Variants in AGBL4 observed in about 807,000 individuals in gnomAD.
AGBL4 encodes the protein AGBL carboxypeptidase 4.
AGBL4 carries 58 observed loss-of-function variants against 66.4 expected under a neutral mutation model. That is an observed-to-expected ratio of 0.87 (90% confidence interval 0.71 to 1.09). AGBL4 has a LOEUF of 1.09. AGBL4 is among the 50% of genes least tolerant of loss of function. The pLI, the probability that AGBL4 is intolerant of heterozygous loss-of-function variation, is 0.00. For synonymous variants in AGBL4, 234 were observed against 222.9 expected, an observed-to-expected ratio of 1.05 and a Z score of -0.44; for missense variants, 579 against 631.0, an observed-to-expected ratio of 0.92 and a Z score of 0.88.
chr1:49,796,757 T>A (rs976458942), intron 2 of AGBL4, among the ~76,000 whole-genome samples: 22 of 152,038 alleles, frequency 1.4e-4, no homozygotes, highest in Admixed American at 7.2e-4. Context: ...ATTATTTTAA[T>A]TTGCTTCATT....
chr1:49,698,157 T>C (rs1041629243), intron 2 of AGBL4, among the ~76,000 whole-genome samples: 2 of 152,152 alleles, frequency 1.3e-5, no homozygotes, highest in African/African-American at 2.4e-5. Context: ...TGTTACACAA[T>C]GGTACTGAAT....
At chr1:48,714,727 C>T (rs942712407) in intron 6 of AGBL4, among the ~76,000 whole-genome samples, 1 of 152,222 alleles carries the variant, frequency 6.6e-6, no homozygotes, top group African/African-American at 2.4e-5. Context: ...AGCTCCTTAG[C>T]TAGCCTATGA....
chr1:48,600,524 T>C (rs1055576589), intron 9 of AGBL4, among the ~76,000 whole-genome samples: 4 of 152,214 alleles, frequency 2.6e-5, no homozygotes, highest in African/African-American at 9.6e-5. Flanking sequence ...CACTTAAACA[T>C]GACACCATAA....
intron 3 of AGBL4, among the ~76,000 whole-genome samples, chr1:49,383,977 A>G (rs1644680347): frequency 6.6e-6 from 1 of 151,842 alleles, no homozygotes. Flanking sequence ...TTTGTATTTT[A>G]GTAGAGACGG....
chr1:48,648,355 T>A (rs1285735284), intron 8 of AGBL4, among the ~76,000 whole-genome samples: 2 of 152,168 alleles, frequency 1.3e-5, no homozygotes, highest in African/African-American at 4.8e-5. Flanking sequence ...TAGCATAATG[T>A]CCTCAAGTTT....
intron 3 of AGBL4, among the ~76,000 whole-genome samples, chr1:49,619,571 T>G (rs970224473): frequency 6.6e-6 from 1 of 152,124 alleles, no homozygotes; most frequent in Non-Finnish European, 1.5e-5. Context: ...TTCAATGCTA[T>G]CTCCATCAAG....
chr1:49,459,881 T>C (rs967049058), intron 3 of AGBL4, among the ~76,000 whole-genome samples: 1 of 151,688 alleles, frequency 6.6e-6, no homozygotes, highest in African/African-American at 2.4e-5. Flanking sequence ...TCAATTCAAA[T>C]AATTTTTTAA....
intron 5 of AGBL4, among the ~76,000 whole-genome samples, chr1:48,923,104 T>A (rs1654234178): frequency 2.7e-5 from 4 of 150,934 alleles, no homozygotes; most frequent in Admixed American, 2.6e-4. Flanking sequence ...AAAAAATATA[T>A]AAAATAATTA....
At chr1:49,759,875 A>G (rs181335747) in intron 2 of AGBL4, among the ~76,000 whole-genome samples, 18 of 152,344 alleles carry the variant, frequency 1.2e-4, no homozygotes, top group African/African-American at 3.1e-4. Context: ...CTCATATTGT[A>G]TTCCATTTAT....
At chr1:49,533,752 T>G (rs564718785) in intron 3 of AGBL4, among the ~76,000 whole-genome samples, 1 of 152,258 alleles carries the variant, frequency 6.6e-6, no homozygotes, top group Non-Finnish European at 1.5e-5. Context: ...GAGCCCATAT[T>G]TGCCCGCTTC....
rs1326984290 is a variant in AGBL4 at position 49,491,742 on chromosome 1, G to A, written c.282+205571C>T. On this transcript the variant is annotated intron_variant, in intron 3 of 13. Coordinates refer to ENST00000371839, the MANE Select transcript of AGBL4 (RefSeq NM_032785.4). ...CATTTATCTGAGCAACTTATATGTGGGACAGTCAGGATTAAAATTCAGATC... is the reference window on the plus strand; with the variant it reads ...CATTTATCTGAGCAACTTATATGTGAGACAGTCAGGATTAAAATTCAGATC... 1.3e-5 allele frequency among the ~76,000 whole-genome samples: 2 copies of A among 151,746 alleles called. 1 individual carries two copies. The highest frequency in any genetic ancestry group is 2.9e-5 in the Non-Finnish European group (2 of 67,884).
intron 1 of AGBL4, among the ~76,000 whole-genome samples, chr1:49,948,012 A>ATATATTTATATATATAAATATATATATT (rs1655473029): frequency 1.0e-4 from 5 of 49,794 alleles, no homozygotes; most frequent in South Asian, 5.3e-4. Context: ...ATATATAAAT[A>ATATATTTATATATATAAATATATATATT]TATAAATATA....
chr1:49,981,583 TA>T (rs1659060883), intron 1 of AGBL4, among the ~76,000 whole-genome samples: 1 of 152,016 alleles, frequency 6.6e-6, no homozygotes, highest in African/African-American at 2.4e-5. Context: ...CATCTATATA[TA>T]AATATGAAAG....
chr1:49,293,341 C>T (rs1174546721), intron 3 of AGBL4, among the ~76,000 whole-genome samples: 1 of 152,216 alleles, frequency 6.6e-6, no homozygotes, highest in East Asian at 1.9e-4. Context: ...CCGAGTGTAG[C>T]CTGCCAGACT....
At chr1:49,039,555 G>C (rs1197547769) in intron 5 of AGBL4, among the ~76,000 whole-genome samples, 1 of 152,052 alleles carries the variant, frequency 6.6e-6, no homozygotes, top group Non-Finnish European at 1.5e-5. Context: ...AAACTGAGCA[G>C]AGGCATCAGA....
intron 9 of AGBL4, among the ~76,000 whole-genome samples, chr1:48,596,804 A>G (rs1645001096): frequency 2.6e-5 from 4 of 152,126 alleles, no homozygotes; most frequent in Admixed American, 1.3e-4. Context: ...TTCCTCAGAT[A>G]TGTCCTGAAC....
rs566470108 is a variant in AGBL4 at position 49,608,041 on chromosome 1, G to C, written c.282+89272C>G. Among the ~76,000 whole-genome samples the C allele has an allele frequency of 3.9e-5, 6 of 152,170 alleles. No homozygotes were observed. The South Asian group carries it at 1.2e-3, about 32-fold the overall frequency. On this transcript the variant is annotated intron_variant, in intron 3 of 13. Coordinates refer to ENST00000371839, the MANE Select transcript of AGBL4 (RefSeq NM_032785.4). Reference sequence around the variant, plus strand: ...TTATGTGCCAGACTCAGTGTTACTGGGGCAGGTACAAAGATGAGAAAAATA... The same window carrying C: ...TTATGTGCCAGACTCAGTGTTACTGCGGCAGGTACAAAGATGAGAAAAATA...
chr1:48,550,533 C>G (rs1644234035), intron 11 of AGBL4, among the ~76,000 whole-genome samples: 1 of 152,182 alleles, frequency 6.6e-6, no homozygotes, highest in Admixed American at 6.5e-5. Flanking sequence ...AACCTCCCAT[C>G]TGAAGAGCCT....
chr1:49,050,474 A>C (rs777902940), intron 4 of AGBL4, among the ~76,000 whole-genome samples: 1 of 152,130 alleles, frequency 6.6e-6, no homozygotes, highest in African/African-American at 2.4e-5. Flanking sequence ...TGCCAAGAAC[A>C]CTTATGAATG....
Sources: allele counts gnomAD v4.1 joint callset (sites outside exome capture counted in the v4.1 genomes callset), GRCh38; gene constraint gnomAD v4.1.1; transcripts MANE v1.5; gene names NCBI Gene and HGNC (gene_info 2026-07-23, HGNC 2026-07-21).